ADAMTS14: variants seen among roughly 807,000 people sequenced by gnomAD.
ADAMTS14 encodes ADAM metallopeptidase with thrombospondin type 1 motif 14.
Under a neutral mutation model 128.6 loss-of-function variants are expected in ADAMTS14, and 100 were observed. That is an observed-to-expected ratio of 0.78 (90% CI 0.66 to 0.92). ADAMTS14 has a LOEUF of 0.92. ADAMTS14 is among the 40% of genes least tolerant of loss of function. ADAMTS14 has a pLI of 0.00. For missense variants in ADAMTS14, 1,562 were observed against 1,658.6 expected, an observed-to-expected ratio of 0.94 and a Z score of 1.01; for synonymous variants, 665 against 653.8, an observed-to-expected ratio of 1.02 and a Z score of -0.26.
chr10:70,700,772 C>A (rs752058103), intron 2 of ADAMTS14, among the ~76,000 whole-genome samples: 8 of 152,222 alleles, frequency 5.3e-5, no homozygotes, highest in African/African-American at 1.7e-4. Context: ...TAGCACCGGG[C>A]AGGACGTTGG....
intron 15 of ADAMTS14, among the ~76,000 whole-genome samples, chr10:70,748,396 G>A (rs1488731244): frequency 6.6e-6 from 1 of 152,252 alleles, no homozygotes; most frequent in South Asian, 2.1e-4. Flanking sequence ...AGCTTAGACA[G>A]TCTGGAGCTG....
intron 15 of ADAMTS14, 59 bp downstream of exon 15, chr10:70,745,365 G>T: frequency 6.3e-7 from 1 of 1,575,798 alleles, no homozygotes; most frequent in South Asian, 1.1e-5. Flanking sequence ...CTCTGACTTG[G>T]GGGAGCTGGG....
Position 70,751,512 on chromosome 10 carries a change from G to C in ADAMTS14, c.2462G>C (p.Ser821Thr). 6.2e-7 allele frequency: 1 copy of C among 1,611,726 alleles called. No homozygotes were observed. Among genetic ancestry groups the C allele is most frequent in the Non-Finnish European group, 8.5e-7 (1 of 1,178,018 alleles). Residue 821 changes from serine to threonine, a missense_variant, in exon 17 of 22, where the codon AGC becomes ACC. Physicochemically the swap from Ser to Thr is moderately conservative, Grantham distance 58 (BLOSUM62 1). Coordinates refer to ENST00000373207, the MANE Select transcript of ADAMTS14 (RefSeq NM_080722.4). ...LPPTEGGPRS[S>T]LAYKYVIHED... ...CCAACTGAGGGTGGCCCCCGCAGCA[G>C]CCTGGCCTACAAGTACGTCATCCAT...
In ADAMTS14 at chr10:70,760,734, G is replaced by A. The variant is rs140768447; in HGVS notation, c.3553G>A (p.Gly1185Arg). The change falls in exon 22 of 22, where the codon GGG becomes AGG. Residue 1185 changes from glycine to arginine, a missense_variant. Physicochemically the swap from Gly to Arg is moderately radical, Grantham distance 125. Transcript: ENST00000373207. ...CTGGAGCATCTCCCCTACCACCCCC[G>A]GGGGGCTGCCTTGGGGCTGGACTCA... ...ASWSISPTTP[G>R]GLPWGWTQTP... 1.8e-5 allele frequency: 29 copies of A among 1,613,764 alleles called. No individual in the cohort carries two copies. Among genetic ancestry groups the A allele is most frequent in the South Asian group, 1.1e-4 (10 of 91,048 alleles).
At position 70,738,776 on chromosome 10, in the gene ADAMTS14, C is replaced by G. The variant is rs1254732921; in HGVS notation, c.1600-66C>G. On this transcript the variant is annotated intron_variant, in intron 10 of 21. Coordinates refer to ENST00000373207, the MANE Select transcript of ADAMTS14 (RefSeq NM_080722.4). The stretch of plus-strand genomic sequence containing the variant: ...GCTCATGCTCTTGCTATCCCTTTTT[C>G]TGGCTCCCCGGGTGGGCTCAGCAGC... The G allele has an allele frequency of 2.5e-6, 4 of 1,605,466 alleles. No homozygotes were observed. The African/African-American group carries it at 4.0e-5, about 16-fold the overall frequency.
At chr10:70,701,102 C>A (rs1160402934) in intron 2 of ADAMTS14, among the ~76,000 whole-genome samples, 1 of 152,132 alleles carries the variant, frequency 6.6e-6, no homozygotes, top group East Asian at 1.9e-4. Flanking sequence ...CTGTTTGATC[C>A]ACAGAAACAG....
At chr10:70,688,286 G>T (rs367980268) in intron 2 of ADAMTS14, among the ~76,000 whole-genome samples, 3 of 66,108 alleles carry the variant, frequency 4.5e-5, no homozygotes, top group Non-Finnish European at 6.4e-5. Flanking sequence ...CGGGCAGAGA[G>T]GCTCCTCACT....
chr10:70,712,078 G>A (rs1467558742), intron 4 of ADAMTS14, among the ~76,000 whole-genome samples: 27 of 152,126 alleles, frequency 1.8e-4, no homozygotes, highest in Admixed American at 1.5e-3. Context: ...GGGAGAGGAC[G>A]CCTATGAATC....
rs1839519396 is a variant in ADAMTS14 at position 70,672,785 on chromosome 10, G to A, written c.-18G>A. The A allele has an allele frequency of 1.3e-6, 2 of 1,497,506 alleles. No homozygotes were observed. Among genetic ancestry groups the A allele is most frequent in the South Asian group, 1.3e-5 (1 of 79,416 alleles). The allele number at this position is 1,497,506 out of a possible 1,614,324, so 92.8% of individuals were successfully genotyped here. A position where few individuals can be genotyped will look rare whatever the true frequency, so the allele number is the denominator to read the frequency against. ...TGGGGATCGGGCGCTTGCCCAGCCC[G>A]CGTCCCAGCGCGGCCACATGGCTCC... is the stretch of plus-strand genomic sequence containing the variant. On this transcript the variant is annotated 5_prime_UTR_variant, in exon 1 of 22. Transcript: ENST00000373207.
chr10:70,736,939 TC>T, intron 10 of ADAMTS14, 146 bp downstream of exon 10: 1 of 668,990 alleles, frequency 1.5e-6, no homozygotes, highest in Non-Finnish European at 2.5e-6. Flanking sequence ...CAGTGGTGAG[TC>T]CAGTGTGTGG....
intron 4 of ADAMTS14, among the ~76,000 whole-genome samples, chr10:70,725,671 C>A (rs1349193852): frequency 2.6e-5 from 4 of 152,176 alleles, no homozygotes; most frequent in Non-Finnish European, 4.4e-5. Context: ...CCCCCTAATG[C>A]CCTATCTCCT....
Position 70,743,630 on chromosome 10 carries a change from A to T in ADAMTS14, c.2007A>T (p.Thr669=). Residue 669 remains threonine (T), a synonymous_variant, in exon 13 of 22, where the codon ACA becomes ACT. Coordinates refer to ENST00000373207, the MANE Select transcript of ADAMTS14 (RefSeq NM_080722.4). ...TGAACCAGGTGGTTCACGATGGGAC[A>T]CGCTGCAGCTACCGGGACCCATACA... ...VFMNQVVHDG[T]RCSYRDPYSV... is the part of the protein sequence containing the mutation. 1 of 1,611,976 alleles carries T rather than the reference A, an allele frequency of 6.2e-7. No individual in the cohort carries two copies. Among genetic ancestry groups the T allele is most frequent in the Non-Finnish European group, 8.5e-7 (1 of 1,179,354 alleles).
intron 3 of ADAMTS14, 22 bp from the exon 4 acceptor site, chr10:70,708,566 T>C (rs753865166): frequency 1.3e-6 from 2 of 1,585,392 alleles, no homozygotes; most frequent in Non-Finnish European, 1.7e-6. Flanking sequence ...TGGACCTCAC[T>C]CTCTTCCTGT....
intron 6 of ADAMTS14, among the ~76,000 whole-genome samples, chr10:70,730,931 A>G (rs1007426422): frequency 5.3e-5 from 8 of 152,300 alleles, no homozygotes; most frequent in African/African-American, 1.4e-4. Flanking sequence ...GTGAGACTCA[A>G]ACTGGATCTC....
chr10:70,700,900 G>A (rs373528139), intron 2 of ADAMTS14, among the ~76,000 whole-genome samples: 26 of 152,318 alleles, frequency 1.7e-4, no homozygotes, highest in African/African-American at 5.5e-4. Context: ...AAGGTTTGAC[G>A]TTGACATTTT....
intron 5 of ADAMTS14, among the ~76,000 whole-genome samples, chr10:70,729,627 G>A (rs906714020): frequency 6.6e-6 from 1 of 152,104 alleles, no homozygotes; most frequent in Non-Finnish European, 1.5e-5. Flanking sequence ...CCTCTTCTTG[G>A]GGAAACTGGG....
At chr10:70,702,255 C>A in intron 2 of ADAMTS14, 57 bp from the exon 3 acceptor site, 1 of 1,610,786 alleles carries the variant, frequency 6.2e-7, no homozygotes, top group South Asian at 1.1e-5. Flanking sequence ...GTCGGCTGTA[C>A]TGTGTGTTCA....
At chr10:70,707,926 A>T (rs547791264) in intron 3 of ADAMTS14, among the ~76,000 whole-genome samples, 42 of 152,370 alleles carry the variant, frequency 2.8e-4, no homozygotes, top group African/African-American at 8.9e-4. Context: ...GTTGTGACCG[A>T]GAATGAATGA....
intron 4 of ADAMTS14, among the ~76,000 whole-genome samples, chr10:70,720,421 T>C (rs75624722): frequency 0.027 from 4,045 of 152,300 alleles, 153 homozygotes; most frequent in African/African-American, 0.089. Context: ...CAATGTGGTA[T>C]GTGGCATAAA....
Sources: gnomAD v4.1 joint callset for allele counts (sites outside exome capture counted in the v4.1 genomes callset) on GRCh38, gnomAD v4.1.1 for gene constraint, MANE v1.5 for transcripts, NCBI Gene and HGNC (gene_info 2026-07-23, HGNC 2026-07-21) for gene names.